Variants in NLRP7 observed in about 807,000 individuals in gnomAD.
The protein encoded by NLRP7 is NACHT, LRR and PYD domains-containing protein 7.
A neutral mutation model predicts 85.5 loss-of-function variants in NLRP7; 72 were observed. The ratio of observed to expected loss-of-function variants is 0.84; its 90% confidence interval spans 0.70 to 1.02. NLRP7 has a LOEUF of 1.02. NLRP7 is among the 50% of genes least tolerant of loss of function. The pLI is 0.00. For missense variants in NLRP7, 1,243 were observed against 1,219.5 expected (o/e 1.02, Z -0.29); for synonymous variants, 550 against 505.2 (o/e 1.09, Z -1.19).
At chr19:54,924,885 C>T in intron 9 of NLRP7, among the ~76,000 whole-genome samples, 1 of 152,144 alleles carries the variant, frequency 6.6e-6, no homozygotes, top group East Asian at 1.9e-4. Context: ...TGCAGTGAGC[C>T]AATACCGCAC....
intron 1 of NLRP7, among the ~76,000 whole-genome samples, chr19:54,942,281 A>AG: frequency 6.7e-6 from 1 of 148,586 alleles, no homozygotes; most frequent in Non-Finnish European, 1.5e-5. Context: ...AAAAAAAAAA[A>AG]GAATACAAAG....
At chr19:54,940,621 G>C (rs1321281603) in intron 3 of NLRP7, among the ~76,000 whole-genome samples, 155 bp from the exon 4 acceptor site, 1 of 152,114 alleles carries the variant, frequency 6.6e-6, no homozygotes, top group East Asian at 1.9e-4. Flanking sequence ...GAGGTCAGGA[G>C]TTCAAGACCA....
upstream of NLRP7, among the ~76,000 whole-genome samples, chr19:54,950,019 T>C (rs1161805341): frequency 6.6e-6 from 1 of 151,880 alleles, no homozygotes; most frequent in Non-Finnish European, 1.5e-5. Context: ...TGAGAATCAC[T>C]TGAACGCAGG....
In NLRP7 at chr19:54,924,496, C is replaced by T. The variant is rs180740482; in HGVS notation, c.2811-624G>A. On this transcript the variant is annotated intron_variant, in intron 9 of 9. Coordinates refer to ENST00000340844, the Ensembl canonical transcript of NLRP7. The stretch of plus-strand genomic sequence containing the variant: ...AAAGTTAGCCAGGAATGGTGGTGCA[C>T]GCCTATAGTCCCAGCTACTCGGGAG... Among the ~76,000 whole-genome samples the T allele has an allele frequency of 1.8e-4, 28 of 152,144 alleles. No individual in the cohort carries two copies. In the East Asian group the frequency reaches 5.4e-3, roughly 29 times the overall value.
intron 1 of NLRP7, among the ~76,000 whole-genome samples, chr19:54,942,870 G>A (rs554695793): frequency 5.1e-4 from 77 of 152,188 alleles, no homozygotes; most frequent in Non-Finnish European, 8.2e-4. Context: ...GTACTGGCCG[G>A]GTATGGTGGC....
chr19:54,964,605 C>T (rs545537596), intron 1 of NLRP7, among the ~76,000 whole-genome samples: 3 of 151,896 alleles, frequency 2.0e-5, no homozygotes, highest in Admixed American at 2.0e-4. Flanking sequence ...GGCAGATCAC[C>T]TGAGGTCAGG....
At chr19:54,952,351 G>C (rs1290147630), upstream of NLRP7, among the ~76,000 whole-genome samples, 1 of 152,098 alleles carries the variant, frequency 6.6e-6, no homozygotes, top group Non-Finnish European at 1.5e-5. Context: ...CCAGCACTTT[G>C]GGAGGCCAAG....
intron 1 of NLRP7, among the ~76,000 whole-genome samples, chr19:54,964,280 G>T (rs1330261819): frequency 7.9e-6 from 1 of 127,094 alleles, no homozygotes; most frequent in Non-Finnish European, 1.6e-5. Context: ...GCAGTGGCGC[G>T]ATCTCGGCTC....
At chr19:54,926,453 C>T (rs1026250928) in intron 9 of NLRP7, among the ~76,000 whole-genome samples, 7 of 152,264 alleles carry the variant, frequency 4.6e-5, no homozygotes, top group African/African-American at 1.4e-4. Flanking sequence ...CCCAAAAAAA[C>T]TCTTCTCTGC....
chr19:54,945,679 A>G (rs1308661117), intron 1 of NLRP7, among the ~76,000 whole-genome samples: 2 of 151,742 alleles, frequency 1.3e-5, no homozygotes, highest in Non-Finnish European at 2.9e-5. Context: ...ACTCACTGCA[A>G]CCTCCACCTC....
Position 54,940,083 on chromosome 19 carries a change from G to A in NLRP7, c.736C>T (p.Gln246Ter). 6.2e-7 allele frequency: 1 copy of A among 1,614,194 alleles called. No individual in the cohort carries two copies. Among genetic ancestry groups the A allele is most frequent in the South Asian group, 1.1e-5 (1 of 91,088 alleles). Residue 246 changes from glutamine (Q) to a stop codon, truncating the protein, a stop_gained, in exon 4 of 10, where the codon CAG (glutamine) becomes TAG (stop). Coordinates refer to ENST00000340844, the Ensembl canonical transcript of NLRP7. LOFTEE classifies it high-confidence loss of function. ...CCATCGACCACGAACAGGATTCTCT[G>A]TGCTTGGGCTAGGATGCTTGGAATG...
chr19:54,953,216 T>C (rs759250114), intron 1 of NLRP7: 4 of 152,060 alleles, frequency 2.6e-5, no homozygotes, highest in Admixed American at 6.6e-5. Flanking sequence ...GACACCGAGT[T>C]AAAGAAGAAA....
chr19:54,938,386 T>C (rs2069038355), intron 4 of NLRP7, 145 bp from the exon 5 acceptor site: 6 of 709,262 alleles, frequency 8.5e-6, no homozygotes, highest in Middle Eastern at 7.5e-4. Context: ...TTGCATCACA[T>C]GCTTTGCTAC....
chr19:54,950,998 A>G (rs937834070), upstream of NLRP7, among the ~76,000 whole-genome samples: 7 of 152,194 alleles, frequency 4.6e-5, no homozygotes, highest in African/African-American at 1.4e-4. Context: ...GGGAGTGGTG[A>G]TGACTCTTAA....
intron 1 of NLRP7, among the ~76,000 whole-genome samples, chr19:54,962,331 G>A (rs544869622): frequency 1.8e-4 from 25 of 140,660 alleles, no homozygotes; most frequent in Non-Finnish European, 2.6e-4. Flanking sequence ...GCAATGGCAC[G>A]ATCTCAGCTC....
chr19:54,930,115 CAAAAAAAAAAAAAA>C (rs34446838), intron 9 of NLRP7, among the ~76,000 whole-genome samples: 1 of 100,564 alleles, frequency 9.9e-6, no homozygotes, highest in Non-Finnish European at 2.0e-5. Flanking sequence ...GGCTCCGTCT[CAAAAAAAAAAAAAA>C]AAAAAGAAAA....
chr19:54,941,872 T>C (rs1211087840), intron 1 of NLRP7, 122 bp from the exon 2 acceptor site: 1 of 790,154 alleles, frequency 1.3e-6, no homozygotes, highest in Non-Finnish European at 1.9e-6. Context: ...TTCCAAAGAC[T>C]GAATTAAGAG....
chr19:54,925,620 C>T (rs752511535), intron 9 of NLRP7, among the ~76,000 whole-genome samples: 12 of 152,066 alleles, frequency 7.9e-5, no homozygotes, highest in African/African-American at 1.4e-4. Context: ...CTCGGCAACA[C>T]GGCCACACAG....
upstream of NLRP7, among the ~76,000 whole-genome samples, chr19:54,952,339 C>T (rs1163636365): frequency 3.3e-5 from 5 of 151,938 alleles, no homozygotes; most frequent in African/African-American, 9.7e-5. Flanking sequence ...ACACCTGTAA[C>T]TCCAGCACTT....
Sources: allele counts gnomAD v4.1 joint callset (sites outside exome capture counted in the v4.1 genomes callset), GRCh38; gene constraint gnomAD v4.1.1; transcripts MANE v1.5; gene names NCBI Gene and HGNC (gene_info 2026-07-23, HGNC 2026-07-21).